The following USP42 variants were observed in gnomAD, a reference collection of about 807,000 sequenced individuals.
USP42 encodes the protein ubiquitin carboxyl-terminal hydrolase 42.
Under a neutral mutation model 113.0 loss-of-function variants are expected in USP42, and 23 were observed. The observed-to-expected ratio is 0.20, with a 90% CI of 0.15 to 0.29. USP42 has a LOEUF of 0.29. USP42 is among the 10% of genes least tolerant of loss of function. The pLI is 1.00. For synonymous variants in USP42, 933 were observed against 699.0 expected (o/e 1.33, Z -5.28); for missense variants, 2,174 against 1,779.8 (o/e 1.22, Z -3.99).
At chr7:6,110,283 G>C (rs1483231741) in intron 1 of USP42, among the ~76,000 whole-genome samples, 2 of 152,124 alleles carry the variant, frequency 1.3e-5, no homozygotes, top group African/African-American at 4.8e-5. Context: ...CTCAGTCCCA[G>C]TTGCTGACTG....
intron 2 of USP42, among the ~76,000 whole-genome samples, chr7:6,114,587 T>G (rs966751511): frequency 1.3e-5 from 2 of 148,786 alleles, no homozygotes; most frequent in Non-Finnish European, 3.0e-5. Flanking sequence ...TTTCTCTGGT[T>G]GTTGTTTTAT....
At chr7:6,084,098 C>G in the USP42 span, among the ~76,000 whole-genome samples, 13 of 151,190 alleles carry the variant, frequency 8.6e-5, no homozygotes, top group Admixed American at 6.6e-5. Flanking sequence ...TCAATCTCGG[C>G]TCACTGCAAC....
intron 3 of USP42, among the ~76,000 whole-genome samples, chr7:6,129,576 AAG>A (rs1780731865): frequency 7.3e-6 from 1 of 136,692 alleles, no homozygotes; most frequent in South Asian, 2.4e-4. Flanking sequence ...AAAAAAAAAA[AAG>A]GACGAGGCGC....
chr7:6,114,836 G>T (rs569555504), intron 2 of USP42, among the ~76,000 whole-genome samples: 1 of 150,842 alleles, frequency 6.6e-6, no homozygotes, highest in South Asian at 2.1e-4. Flanking sequence ...GACTACAGGT[G>T]CCCGTCACCG....
the USP42 span, among the ~76,000 whole-genome samples, chr7:6,095,121 T>C: frequency 2.0e-5 from 3 of 151,274 alleles, no homozygotes; most frequent in Non-Finnish European, 2.9e-5. Flanking sequence ...TAGCTCTTAA[T>C]GCTGTAAGTC....
chr7:6,119,767 A>G (rs1780109789), intron 3 of USP42, among the ~76,000 whole-genome samples: 1 of 151,880 alleles, frequency 6.6e-6, no homozygotes, highest in Non-Finnish European at 1.5e-5. Flanking sequence ...AGTGGTGCAC[A>G]GTCAGAGCTC....
intron 15 of USP42, among the ~76,000 whole-genome samples, chr7:6,155,432 C>T (rs1269649503): frequency 6.6e-6 from 1 of 152,180 alleles, no homozygotes; most frequent in Non-Finnish European, 1.5e-5. Context: ...GCCTAACAAC[C>T]TTCTTTTTCA....
chr7:6,101,221 G>A (rs772152677), upstream of USP42, among the ~76,000 whole-genome samples: 5 of 151,056 alleles, frequency 3.3e-5, no homozygotes, highest in Non-Finnish European at 5.9e-5. Context: ...GCAGACAAGG[G>A]ATGGAAGCAT....
At chr7:6,135,775 A>T in intron 3 of USP42, 66 bp from the exon 4 acceptor site, 1 of 836,480 alleles carries the variant, frequency 1.2e-6, no homozygotes, top group Non-Finnish European at 1.8e-6. Flanking sequence ...CCTGATTTGT[A>T]ATTAGCCTTG....
intron 3 of USP42, among the ~76,000 whole-genome samples, chr7:6,120,124 C>T (rs567967992): frequency 4.6e-5 from 7 of 152,286 alleles, no homozygotes; most frequent in East Asian, 1.9e-4. Flanking sequence ...GCCACCACGC[C>T]GGCTAATTTT....
chr7:6,137,076 A>G (rs1307477393), intron 4 of USP42, among the ~76,000 whole-genome samples: 2 of 152,220 alleles, frequency 1.3e-5, no homozygotes, highest in African/African-American at 4.8e-5. Context: ...TTTGCAGTAA[A>G]CTTTTGCATC....
In USP42 at chr7:6,148,995, C is replaced by T. The variant is rs139103105; in HGVS notation, c.1387-588C>T. ...CAGCTAATTCAGGTATGTGAGGAGA[C>T]GCTGGGAAGGCCACACGTGATCTGT... On this transcript the variant is annotated intron_variant, in intron 12 of 17. Coordinates refer to ENST00000306177, the MANE Select transcript of USP42 (RefSeq NM_032172.3). 3.0e-4 allele frequency among the ~76,000 whole-genome samples: 45 copies of T among 152,272 alleles called. 1 individual carries two copies. In the East Asian group the frequency reaches 5.0e-3, roughly 17 times the overall value.
chr7:6,151,770 G>C (rs934581955), intron 14 of USP42, among the ~76,000 whole-genome samples: 2 of 152,066 alleles, frequency 1.3e-5, no homozygotes, highest in African/African-American at 4.8e-5. Flanking sequence ...CCATTGTCAT[G>C]TATTATGTAC....
chr7:6,086,658 C>T, the USP42 span, among the ~76,000 whole-genome samples: 7 of 150,088 alleles, frequency 4.7e-5, no homozygotes, highest in South Asian at 1.5e-3. Flanking sequence ...TTCCTTTCCT[C>T]CTTCCCTTCC....
At chr7:6,152,026 A>T (rs148644894) in intron 14 of USP42, among the ~76,000 whole-genome samples, 10 of 152,302 alleles carry the variant, frequency 6.6e-5, no homozygotes, top group African/African-American at 2.4e-4. Context: ...AACCTGCCCC[A>T]CAATTTAAAA....
At chr7:6,140,253 A>G in intron 6 of USP42, 58 bp downstream of exon 6, 3 of 1,480,018 alleles carry the variant, frequency 2.0e-6, no homozygotes, top group Middle Eastern at 3.4e-4. Flanking sequence ...AAAAATGGTA[A>G]TAGTAGGACA....
chr7:6,152,382 G>A (rs1264664327), intron 14 of USP42, among the ~76,000 whole-genome samples: 1 of 152,250 alleles, frequency 6.6e-6, no homozygotes, highest in African/African-American at 2.4e-5. Flanking sequence ...CAGTGTCAGT[G>A]AAAACCGTGC....
chr7:6,114,678 A>ATATATATATATATATAATT (rs1241045063), intron 2 of USP42, among the ~76,000 whole-genome samples: 1 of 18,874 alleles, frequency 5.3e-5, no homozygotes, highest in African/African-American at 3.5e-4. Context: ...ATATATATAT[A>ATATATATATATATATAATT]TTTTTTTTTT....
Position 6,154,723 on chromosome 7 carries a change from G to C in USP42, c.3169G>C (p.Asp1057His). The change falls in exon 15 of 18, where the codon GAC (aspartate) becomes CAC (histidine). Residue 1057 changes from aspartate (D) to histidine (H), a missense_variant. Physicochemically the swap from Asp to His is moderately conservative, Grantham distance 81 (BLOSUM62 -1). Coordinates refer to ENST00000306177, the MANE Select transcript of USP42 (RefSeq NM_032172.3). ...EKFYPDRPRW[D>H]RCRYYHDRYA... Reference sequence around the variant, plus strand: ...GTTCTACCCCGACAGGCCGCGCTGGGACAGGTGCCGGTACTACCATGACAG... The same window carrying C: ...GTTCTACCCCGACAGGCCGCGCTGGCACAGGTGCCGGTACTACCATGACAG... 1 of 1,589,202 alleles carries C rather than the reference G, an allele frequency of 6.3e-7. No homozygotes were observed. The highest frequency in any genetic ancestry group is 8.6e-7 in the Non-Finnish European group (1 of 1,169,326).
Sources: gnomAD v4.1 joint callset for allele counts (sites outside exome capture counted in the v4.1 genomes callset) on GRCh38, gnomAD v4.1.1 for gene constraint, MANE v1.5 for transcripts, NCBI Gene and HGNC (gene_info 2026-07-23, HGNC 2026-07-21) for gene names.